The following NLRC4 variants were observed in gnomAD, a reference collection of about 807,000 sequenced individuals.
The protein encoded by NLRC4 is NLR family CARD domain containing 4, also known as NLR family CARD domain-containing protein 4.
In NLRC4, 63 loss-of-function variants were observed where a neutral mutation model predicts 79.9. That is an observed-to-expected ratio of 0.79 (90% CI 0.64 to 0.97). The LOEUF (loss-of-function observed/expected upper bound fraction) is 0.97. NLRC4 is among the 50% of genes least tolerant of loss of function. NLRC4 has a pLI of 0.00. For missense variants in NLRC4, 1,074 were observed against 1,215.2 expected (o/e 0.88, Z 1.73); for synonymous variants, 461 against 456.5 (o/e 1.01, Z -0.12).
At chr2:32,261,020 G>T (rs1261728134) in intron 1 of NLRC4, among the ~76,000 whole-genome samples, 1 of 151,806 alleles carries the variant, frequency 6.6e-6, no homozygotes, top group Non-Finnish European at 1.5e-5. Context: ...GTGAAACCCT[G>T]TCTCTACTAA....
chr2:32,260,189 A>G (rs952880753), intron 1 of NLRC4, among the ~76,000 whole-genome samples: 4 of 130,404 alleles, frequency 3.1e-5, no homozygotes, highest in Admixed American at 9.6e-5. Flanking sequence ...AGATCGTGCC[A>G]CCACACTCCA....
chr2:32,224,556 G>A lies in NLRC4; in HGVS notation c.2992C>T (p.Gln998Ter). The A allele has an allele frequency of 6.2e-7, 1 of 1,613,810 alleles. No homozygotes were observed. Among genetic ancestry groups the A allele is most frequent in the Non-Finnish European group, 8.5e-7 (1 of 1,179,752 alleles). The change falls in exon 9 of 9, where the codon CAA becomes TAA. Residue 998 changes from glutamine (Q) to a stop codon, truncating the protein, a stop_gained. Coordinates refer to ENST00000402280, the MANE Select transcript of NLRC4 (RefSeq NM_001199138.2). LOFTEE classifies it high-confidence loss of function. The stretch of plus-strand genomic sequence containing the variant: ...TGCCACCCAACAAGCCTAGCTTCTT[G>A]CAGAAAAGTTAACTTGGATAACACT... ...SQVLSKLTFL[Q>*]EARLVGWQFD...
In NLRC4 at chr2:32,251,165, C is replaced by A. The variant is rs1211853306; in HGVS notation, c.699G>T (p.Met233Ile). ...TCTGCCGCAGCTTCAGCAGCATGGC[C>A]ATGAATGTCTGCTTCCTGATTGTGC... Reference protein sequence around the residue: ...IPGTIRKQTFMAMLLKLRQRV... With the variant: ...IPGTIRKQTFIAMLLKLRQRV... Residue 233 changes from methionine to isoleucine, a missense_variant, in exon 4 of 9, where the codon ATG (methionine) becomes ATT (isoleucine). By Grantham distance (10) the Met-to-Ile change is conservative (BLOSUM62 1). Transcript: ENST00000402280. The A allele has an allele frequency of 3.7e-6, 6 of 1,614,194 alleles. No individual in the cohort carries two copies. Among genetic ancestry groups the A allele is most frequent in the Non-Finnish European group, 8.5e-7 (1 of 1,180,042 alleles).
intron 4 of NLRC4, among the ~76,000 whole-genome samples, chr2:32,244,281 A>T (rs1346726342): frequency 5.3e-5 from 8 of 152,134 alleles, no homozygotes; most frequent in African/African-American, 1.9e-4. Context: ...TAATAAAAAC[A>T]ATCCAACATC....
At chr2:32,247,304 TA>T (rs1428339532) in intron 4 of NLRC4, among the ~76,000 whole-genome samples, 2 of 150,628 alleles carry the variant, frequency 1.3e-5, no homozygotes, top group African/African-American at 4.9e-5. Flanking sequence ...CGTATATATT[TA>T]TTTTTTTTAA....
chr2:32,228,900 G>A (rs1686467139), intron 8 of NLRC4, among the ~76,000 whole-genome samples: 1 of 151,902 alleles, frequency 6.6e-6, no homozygotes, highest in Non-Finnish European at 1.5e-5. Context: ...CCGTATAGCT[G>A]GGATTATAAG....
chr2:32,257,021 CCCTGGCTATT>C (rs1269549497), intron 1 of NLRC4, 128 bp from the exon 2 acceptor site: 4 of 471,142 alleles, frequency 8.5e-6, no homozygotes, highest in African/African-American at 7.8e-5. Context: ...CGCTCAAAGC[CCCTGGCTATT>C]CATGGCCAGG....
At position 32,252,421 on chromosome 2, in the gene NLRC4, T is replaced by G; in HGVS notation, c.260A>C (p.Gln87Pro). 1 of 1,606,098 alleles carries G rather than the reference T, an allele frequency of 6.2e-7. No homozygotes were observed. Among genetic ancestry groups the G allele is most frequent in the Non-Finnish European group, 8.5e-7 (1 of 1,172,844 alleles). Residue 87 changes from glutamine to proline, a missense_variant and splice_region_variant, in exon 3 of 9, where the codon CAA becomes CCA. By Grantham distance (76) the Gln-to-Pro change is moderately conservative. Transcript: ENST00000402280. ...NYPLFQDLNG[Q>P]SLFHQTSEGD... is the part of the protein sequence containing the mutation. ...ATGCAAAACTAACTGATACTTACTT[T>G]GTCCATTCAAGTCCTGAAATAGAGG...
intron 8 of NLRC4, among the ~76,000 whole-genome samples, chr2:32,230,154 A>G (rs772338172): frequency 6.6e-6 from 1 of 152,206 alleles, no homozygotes; most frequent in Non-Finnish European, 1.5e-5. Context: ...AGGTAGGAGA[A>G]GAGAAACCTA....
intron 2 of NLRC4, among the ~76,000 whole-genome samples, chr2:32,255,692 C>T (rs1282033377): frequency 2.0e-5 from 3 of 151,944 alleles, no homozygotes; most frequent in African/African-American, 7.3e-5. Flanking sequence ...GAATAAGTCA[C>T]ATAACTCTCA....
At chr2:32,225,458 A>G (rs1686364477) in intron 8 of NLRC4, among the ~76,000 whole-genome samples, 1 of 151,238 alleles carries the variant, frequency 6.6e-6, no homozygotes, top group Non-Finnish European at 1.5e-5. Context: ...TACATACACA[A>G]ATAGTTTAGT....
chr2:32,228,453 C>T (rs1410523070), intron 8 of NLRC4, among the ~76,000 whole-genome samples: 1 of 152,138 alleles, frequency 6.6e-6, no homozygotes, highest in Non-Finnish European at 1.5e-5. Flanking sequence ...TTGTGTCTCC[C>T]TCTAAAATGT....
chr2:32,241,842 G>GA (rs1360049538), intron 4 of NLRC4, among the ~76,000 whole-genome samples: 18 of 150,644 alleles, frequency 1.2e-4, no homozygotes, highest in African/African-American at 2.2e-4. Context: ...GGGGTGAAAA[G>GA]AAAAAAAAAT....
In NLRC4 at chr2:32,224,718, A is replaced by C. The variant is rs898392491; in HGVS notation, c.2830T>G (p.Leu944Val). 3 of 1,600,872 alleles carry C rather than the reference A, an allele frequency of 1.9e-6. No individual in the cohort carries two copies. The Admixed American group carries it at 5.2e-5, about 28-fold the overall frequency. ...NPLKNFQQLN[L>V]AGNRVSSDGW... ...TCACTGCTCACACGATTTCCCGCCA[A>C]ATTCAACTGCTGGAAGTTTTTCAGA... is the stretch of plus-strand genomic sequence containing the variant. Residue 944 changes from leucine (L) to valine (V), a missense_variant, in exon 9 of 9, where the codon TTG becomes GTG. By Grantham distance (32) the Leu-to-Val change is conservative. Coordinates refer to ENST00000402280, the MANE Select transcript of NLRC4 (RefSeq NM_001199138.2).
intron 5 of NLRC4, among the ~76,000 whole-genome samples, chr2:32,240,703 T>C (rs1686778889): frequency 6.6e-6 from 1 of 152,148 alleles, no homozygotes; most frequent in East Asian, 1.9e-4. Flanking sequence ...AAATATTGTT[T>C]CTATGCAACT....
chr2:32,242,908 TGTG>T (rs1686838521), intron 4 of NLRC4, among the ~76,000 whole-genome samples: 1 of 151,744 alleles, frequency 6.6e-6, no homozygotes, highest in Non-Finnish European at 1.5e-5. Flanking sequence ...ATTACCCAGG[TGTG>T]GTGGCAGGTG....
Position 32,236,254 on chromosome 2 carries a change from A to G in NLRC4, c.2607T>C (p.His869=), listed in dbSNP as rs773003121. ...YLEKDGNEAL[H]ELIDRMNVLE... is the part of the protein sequence containing the mutation. ...CTGAATTGTCATTCTTACTCAGTTC[A>G]TGAAGAGCTTCATTTCCATCTTTTT... The change falls in exon 7 of 9, where the codon CAT becomes CAC. Residue 869 remains histidine, a synonymous_variant. Transcript: ENST00000402280. 1.7e-5 allele frequency: 27 copies of G among 1,599,618 alleles called. No homozygotes were observed. The highest frequency in any genetic ancestry group is 2.2e-5 in the Non-Finnish European group (26 of 1,168,216).
intron 1 of NLRC4, among the ~76,000 whole-genome samples, chr2:32,262,948 A>T (rs1308486083): frequency 6.6e-6 from 1 of 151,312 alleles, no homozygotes; most frequent in Admixed American, 6.6e-5. Context: ...TTATATATAT[A>T]TAGGCAATCT....
intron 4 of NLRC4, among the ~76,000 whole-genome samples, chr2:32,244,207 G>A (rs769846995): frequency 4.0e-5 from 6 of 151,898 alleles, no homozygotes; most frequent in Non-Finnish European, 7.4e-5. Flanking sequence ...CTATGATCAC[G>A]CCACTGCACT....
Sources: gnomAD v4.1 joint callset for allele counts (sites outside exome capture counted in the v4.1 genomes callset) on GRCh38, gnomAD v4.1.1 for gene constraint, MANE v1.5 for transcripts, NCBI Gene and HGNC (gene_info 2026-07-23, HGNC 2026-07-21) for gene names.